The following RGL1 variants were observed in gnomAD, a reference collection of about 807,000 sequenced individuals.
RGL1 encodes the protein ral guanine nucleotide dissociation stimulator-like 1.
A neutral mutation model predicts 95.2 loss-of-function variants in RGL1; 24 were observed. The ratio of observed to expected loss-of-function variants is 0.25; its 90% CI spans 0.18 to 0.35. The LOEUF (loss-of-function observed/expected upper bound fraction) is 0.35, where lower values mean the gene tolerates loss of function less well. Ranked by LOEUF, RGL1 falls within the 10% of genes least tolerant of loss-of-function variation. RGL1 has a pLI of 1.00. For synonymous variants in RGL1, 329 were observed against 344.9 expected, an observed-to-expected ratio of 0.95 and a Z score of 0.51; for missense variants, 715 against 936.3, an observed-to-expected ratio of 0.76 and a Z score of 3.08.
intron 3 of RGL1, among the ~76,000 whole-genome samples, chr1:183,856,937 A>G (rs1665189939): frequency 6.6e-6 from 1 of 152,176 alleles, no homozygotes; most frequent in African/African-American, 2.4e-5. Context: ...AGAAGGTATA[A>G]CATTTATAAT....
At chr1:183,820,977 A>G (rs1189728313) in intron 2 of RGL1, among the ~76,000 whole-genome samples, 1 of 151,974 alleles carries the variant, frequency 6.6e-6, no homozygotes, top group Non-Finnish European at 1.5e-5. Context: ...TACTAAAACT[A>G]CAAAAATTAG....
At chr1:183,916,223 G>A (rs1190763424) in intron 15 of RGL1, among the ~76,000 whole-genome samples, 1 of 152,104 alleles carries the variant, frequency 6.6e-6, no homozygotes, top group African/African-American at 2.4e-5. Context: ...TTTGCCTCAC[G>A]TGCTTATAGA....
intron 1 of RGL1, among the ~76,000 whole-genome samples, chr1:183,656,145 G>A (rs77708076): frequency 0.082 from 12,044 of 146,714 alleles, 961 homozygotes; most frequent in African/African-American, 0.21. Context: ...AGGAGATTCC[G>A]GCACAAGGAA....
intron 2 of RGL1, among the ~76,000 whole-genome samples, chr1:183,846,427 T>C (rs1334028853): frequency 6.6e-6 from 1 of 151,854 alleles, no homozygotes; most frequent in Admixed American, 6.6e-5. Context: ...GGGATAGCCT[T>C]AGGAGAAATA....
At chr1:183,731,121 G>A (rs1205448798) in intron 1 of RGL1, among the ~76,000 whole-genome samples, 2 of 152,122 alleles carry the variant, frequency 1.3e-5, no homozygotes, top group Non-Finnish European at 2.9e-5. Flanking sequence ...CCTGAGAATT[G>A]AATTCACTTG....
At chr1:183,797,463 T>C (rs984707618) in intron 2 of RGL1, among the ~76,000 whole-genome samples, 3 of 152,266 alleles carry the variant, frequency 2.0e-5, no homozygotes, top group African/African-American at 7.2e-5. Flanking sequence ...TCATTTTCTA[T>C]ACCCTAGGGC....
chr1:183,766,789 A>G (rs1658988730), intron 2 of RGL1, among the ~76,000 whole-genome samples: 1 of 152,050 alleles, frequency 6.6e-6, no homozygotes. Flanking sequence ...GGTGTGCTCT[A>G]TCATTTTTTT....
intron 1 of RGL1, among the ~76,000 whole-genome samples, chr1:183,718,207 C>T (rs924198418): frequency 2.0e-5 from 3 of 148,920 alleles, no homozygotes; most frequent in African/African-American, 5.0e-5. Flanking sequence ...CTACTCCATC[C>T]TGGGCGACAG....
chr1:183,925,820 G>C (rs1669582679), intron 17 of RGL1, among the ~76,000 whole-genome samples: 2 of 152,214 alleles, frequency 1.3e-5, no homozygotes, highest in Admixed American at 6.5e-5. Flanking sequence ...CTTGGCCTCT[G>C]TTTCCTACTG....
At chr1:183,875,484 A>C (rs1370593350) in intron 4 of RGL1, among the ~76,000 whole-genome samples, 1 of 152,168 alleles carries the variant, frequency 6.6e-6, no homozygotes, top group Non-Finnish European at 1.5e-5. Flanking sequence ...TGGGGTGGCT[A>C]GAAGTTCTGA....
chr1:183,796,828 T>C (rs944602436), intron 2 of RGL1, among the ~76,000 whole-genome samples: 3 of 152,248 alleles, frequency 2.0e-5, no homozygotes, highest in African/African-American at 4.8e-5. Context: ...TTTTATTACA[T>C]GTCACACAAC....
At chr1:183,714,057 G>A (rs1655467327) in intron 1 of RGL1, among the ~76,000 whole-genome samples, 1 of 152,178 alleles carries the variant, frequency 6.6e-6, no homozygotes, top group African/African-American at 2.4e-5. Context: ...GAAATATGGA[G>A]CTTGTTTCCA....
intron 7 of RGL1, among the ~76,000 whole-genome samples, chr1:183,886,621 CAT>C (rs1667124052): frequency 6.6e-6 from 1 of 152,134 alleles, no homozygotes; most frequent in Non-Finnish European, 1.5e-5. Context: ...AATCCCATAT[CAT>C]GTGCTAATAA....
chr1:183,876,911 A>G lies in RGL1; in HGVS notation c.426-3705A>G, dbSNP rs116242853. Among the ~76,000 whole-genome samples, 1,396 of 152,284 alleles carry G rather than the reference A, an allele frequency of 9.2e-3. 23 individuals are homozygous for G. Among genetic ancestry groups the G allele is most frequent in the African/African-American group, 0.031 (1,306 of 41,560 alleles). ...TTTACCTTTTCAATCCCTTCCTTCT[A>G]TGACTTCTGGCAAGTAGTTGTAAGA... On this transcript the variant is annotated intron_variant, in intron 4 of 17. Transcript: ENST00000360851.
chr1:183,639,329 A>G (rs982566613), intron 1 of RGL1, among the ~76,000 whole-genome samples: 5 of 152,068 alleles, frequency 3.3e-5, no homozygotes, highest in African/African-American at 9.6e-5. Flanking sequence ...GCAACGTGAC[A>G]TTATTTATTT....
intron 1 of RGL1, chr1:183,647,071 G>T (rs1650342931): frequency 6.6e-6 from 1 of 152,266 alleles, no homozygotes; most frequent in African/African-American, 2.4e-5. Context: ...AGAAGGGAGA[G>T]GTCTGAGCTG....
intron 1 of RGL1, among the ~76,000 whole-genome samples, chr1:183,713,130 A>C (rs993741531): frequency 2.0e-5 from 3 of 152,012 alleles, no homozygotes; most frequent in African/African-American, 7.3e-5. Context: ...GGTTCACGTG[A>C]TTCTCCTGCC....
At chr1:183,643,266 ATT>A (rs1558128987) in intron 1 of RGL1, among the ~76,000 whole-genome samples, 22 of 137,798 alleles carry the variant, frequency 1.6e-4, no homozygotes, top group African/African-American at 4.7e-4. Flanking sequence ...CTGTTTTTTT[ATT>A]TATTTATTTA....
chr1:183,807,698 C>T (rs1661436549), intron 2 of RGL1, among the ~76,000 whole-genome samples: 1 of 152,110 alleles, frequency 6.6e-6, no homozygotes, highest in African/African-American at 2.4e-5. Context: ...GTACTTTGGG[C>T]CAAGGTATCA....
Sources: gnomAD v4.1 joint callset for allele counts (sites outside exome capture counted in the v4.1 genomes callset) on GRCh38, gnomAD v4.1.1 for gene constraint, MANE v1.5 for transcripts, NCBI Gene and HGNC (gene_info 2026-07-23, HGNC 2026-07-21) for gene names.